FAM229B: variants seen among roughly 807,000 people sequenced by gnomAD.
FAM229B encodes family with sequence similarity 229 member B, also known as protein FAM229B.
FAM229B carries 2 observed loss-of-function variants against 6.7 expected under a neutral mutation model. That is an observed-to-expected ratio of 0.30 (90% CI 0.12 to 0.94). FAM229B has a LOEUF of 0.94. Among genes scored for constraint, FAM229B ranks in the 40% least tolerant of loss-of-function variants. FAM229B has a pLI of 0.54. For synonymous variants in FAM229B, 29 were observed against 34.0 expected (o/e 0.85, Z 0.51); for missense variants, 93 against 96.2 (o/e 0.97, Z 0.14).
At chr6:112,090,885 T>C (rs1428255264) in intron 1 of FAM229B, among the ~76,000 whole-genome samples, 1 of 152,204 alleles carries the variant, frequency 6.6e-6, no homozygotes, top group East Asian at 1.9e-4. Flanking sequence ...TCTGCTCTTT[T>C]AGCAGTTCTG....
chr6:112,089,439 T>C (rs1777228410), intron 1 of FAM229B, among the ~76,000 whole-genome samples: 1 of 152,040 alleles, frequency 6.6e-6, no homozygotes. Flanking sequence ...CTTAAGAATA[T>C]GAATGCAATA....
At chr6:112,095,635 C>CAAAA (rs1186446249) in intron 1 of FAM229B, among the ~76,000 whole-genome samples, 3 of 48,806 alleles carry the variant, frequency 6.1e-5, no homozygotes, top group African/African-American at 7.7e-5. Context: ...GACCCTGTCT[C>CAAAA]AAAAAAAAAA....
chr6:112,090,938 A>T (rs1356025467), intron 1 of FAM229B, among the ~76,000 whole-genome samples: 1 of 152,132 alleles, frequency 6.6e-6, no homozygotes, highest in African/African-American at 2.4e-5. Context: ...TATGTAATAG[A>T]TCTATAAAAC....
chr6:112,101,268 C>G lies in FAM229B; in HGVS notation c.*481C>G, dbSNP rs188233236. ...GATTATATTGGGTGAGAAATGGAGC[C>G]CTGGGGTTGTGTGTTTTGGAACAGT... is the stretch of plus-strand genomic sequence containing the variant. On this transcript the variant is annotated 3_prime_UTR_variant, in exon 4 of 4. Coordinates refer to ENST00000368656, the MANE Select transcript of FAM229B (RefSeq NM_001033564.3). 2.6e-5 allele frequency: 4 copies of G among 152,642 alleles called. No homozygotes were observed. The East Asian group carries it at 7.7e-4, about 29-fold the overall frequency. The allele number at this position is 152,642 out of a possible 1,614,324, so 9.5% of individuals were successfully genotyped here.
At chr6:112,098,718 A>G (rs1777357362) in intron 2 of FAM229B, among the ~76,000 whole-genome samples, 1 of 152,236 alleles carries the variant, frequency 6.6e-6, no homozygotes, top group South Asian at 2.1e-4. Flanking sequence ...TGTGCTCCAA[A>G]GGAAGAGAAG....
At chr6:112,099,486 T>C in intron 3 of FAM229B, 78 bp downstream of exon 3, 5 of 1,372,370 alleles carry the variant, frequency 3.6e-6, no homozygotes, top group African/African-American at 1.5e-5. Context: ...TATTCATTAT[T>C]AGCAAGAAAA....
intron 1 of FAM229B, among the ~76,000 whole-genome samples, chr6:112,093,180 G>A (rs1301968357): frequency 6.6e-6 from 1 of 151,668 alleles, no homozygotes; most frequent in Non-Finnish European, 1.5e-5. Context: ...AACCAAATTG[G>A]TTAAAAATAA....
At chr6:112,089,294 G>A (rs1250380119) in intron 1 of FAM229B, among the ~76,000 whole-genome samples, 3 of 152,036 alleles carry the variant, frequency 2.0e-5, no homozygotes, top group Non-Finnish European at 2.9e-5. Context: ...AGGATGGAAG[G>A]GAGAGAGGGA....
intron 1 of FAM229B, among the ~76,000 whole-genome samples, chr6:112,095,660 AC>A (rs1562610440): frequency 1.1e-4 from 13 of 122,952 alleles, no homozygotes; most frequent in South Asian, 2.5e-4. Context: ...AAAAAAAAAA[AC>A]CAAAAAAAAA....
chr6:112,095,056 G>T (rs948933612), intron 1 of FAM229B, among the ~76,000 whole-genome samples: 7 of 152,062 alleles, frequency 4.6e-5, no homozygotes, highest in African/African-American at 1.7e-4. Context: ...AGTTAAAATG[G>T]TAAATTACAG....
At position 112,101,190 on chromosome 6, in the gene FAM229B, C is replaced by A. The variant is rs1272166665; in HGVS notation, c.*403C>A. On this transcript the variant is annotated 3_prime_UTR_variant, in exon 4 of 4. Transcript: ENST00000368656. ...TTGGCTAAATCCTTTCACCTTAGTA[C>A]CCTAAGCCAGTTTCCTGGCTTGATA... The A allele has an allele frequency of 6.3e-6, 1 of 159,624 alleles. No homozygotes were observed. The highest frequency in any genetic ancestry group is 2.4e-5 in the African/African-American group (1 of 41,538). The allele number at this position is 159,624 out of a possible 1,614,324, so 9.9% of individuals were successfully genotyped here.
At chr6:112,090,584 C>T (rs1290719678) in intron 1 of FAM229B, among the ~76,000 whole-genome samples, 1 of 152,074 alleles carries the variant, frequency 6.6e-6, no homozygotes, top group Non-Finnish European at 1.5e-5. Flanking sequence ...ACCCCAAAAT[C>T]TCAGTGGTGT....
At chr6:112,093,109 T>G (rs1777278900) in intron 1 of FAM229B, among the ~76,000 whole-genome samples, 1 of 151,718 alleles carries the variant, frequency 6.6e-6, no homozygotes, top group South Asian at 2.1e-4. Flanking sequence ...GTCATCACAG[T>G]GGGTAAAATA....
In FAM229B at chr6:112,099,295, A is replaced by G. The variant is rs1554318981; in HGVS notation, c.12A>G (p.Gln4=). 4 of 1,613,426 alleles carry G rather than the reference A, an allele frequency of 2.5e-6. No homozygotes were observed. Among genetic ancestry groups the G allele is most frequent in the East Asian group, 2.2e-5 (1 of 44,842 alleles). The change falls in exon 3 of 4, where the codon CAA becomes CAG. Residue 4 remains glutamine (Q), a synonymous_variant. Coordinates refer to ENST00000368656, the MANE Select transcript of FAM229B (RefSeq NM_001033564.3). The stretch of plus-strand genomic sequence containing the variant: ...GTTTTCAGTGAAGTATGCCTTTTCA[A>G]TTTGGAACCCAGCCAAGGAGGTTTC... MPF[Q]FGTQPRRFPV... is the part of the protein sequence containing the mutation.
chr6:112,100,824 A>G lies in FAM229B; in HGVS notation c.*37A>G, dbSNP rs183512768. The stretch of plus-strand genomic sequence containing the variant: ...CTTTTGTCAAGGTCTGACTAGGTCA[A>G]GGGTAATGGACCAGTATCATCTGGT... On this transcript the variant is annotated 3_prime_UTR_variant, in exon 4 of 4. Transcript: ENST00000368656. 1,092 of 1,445,686 alleles carry G rather than the reference A, an allele frequency of 7.6e-4. 13 individuals are homozygous for G. In the African/African-American group the frequency reaches 0.014, roughly 18 times the overall value. 89.6% of individuals were successfully genotyped at this position (1,445,686 alleles called of 1,614,324 possible). A position where few individuals can be genotyped will look rare whatever the true frequency, so the allele number is the denominator to read the frequency against.
chr6:112,096,285 G>A (rs974731377), intron 1 of FAM229B, among the ~76,000 whole-genome samples: 12 of 152,224 alleles, frequency 7.9e-5, no homozygotes, highest in African/African-American at 2.4e-4. Context: ...GGCCGGGCGC[G>A]GTGGCTCACG....
At chr6:112,099,805 A>T (rs782582960) in intron 3 of FAM229B, among the ~76,000 whole-genome samples, 6 of 152,238 alleles carry the variant, frequency 3.9e-5, no homozygotes, top group Non-Finnish European at 7.3e-5. Context: ...TATGAAAAAG[A>T]CTTAGACCTC....
chr6:112,099,117 C>T (rs1335572435), intron 2 of FAM229B, among the ~76,000 whole-genome samples, 153 bp from the exon 3 acceptor site: 1 of 152,200 alleles, frequency 6.6e-6, no homozygotes, highest in African/African-American at 2.4e-5. Flanking sequence ...TATGATTGCA[C>T]TGGTGAATAA....
intron 2 of FAM229B, 104 bp downstream of exon 2, chr6:112,097,305 T>C (rs957543981): frequency 2.6e-5 from 4 of 152,246 alleles, no homozygotes; most frequent in Non-Finnish European, 5.9e-5. Flanking sequence ...TAAATCATCA[T>C]TGAGCGAAAC....
Sources: allele counts gnomAD v4.1 joint callset (sites outside exome capture counted in the v4.1 genomes callset), GRCh38; gene constraint gnomAD v4.1.1; transcripts MANE v1.5; gene names NCBI Gene and HGNC (gene_info 2026-07-23, HGNC 2026-07-21).